KHDC1: variants seen among roughly 807,000 people sequenced by gnomAD.
KHDC1 encodes the protein KH domain containing 1.
Under a neutral mutation model 24.7 loss-of-function variants are expected in KHDC1, and 21 were observed. The observed-to-expected ratio is 0.85, with a 90% CI of 0.60 to 1.23. The LOEUF is 1.23. Ranked by LOEUF, KHDC1 falls within the 50% of genes most tolerant of loss-of-function variation. The pLI is 0.00. For synonymous variants in KHDC1, 98 were observed against 111.7 expected, an observed-to-expected ratio of 0.88 and a Z score of 0.77; for missense variants, 274 against 298.5, an observed-to-expected ratio of 0.92 and a Z score of 0.61.
intron 2 of KHDC1, 91 bp from the exon 1 acceptor site, chr6:73,263,287 G>A (rs985132699): frequency 1.0e-6 from 1 of 985,662 alleles, no homozygotes. Flanking sequence ...ACAGCCTGCG[G>A]AGCCCACTGC....
intron 2 of KHDC1, chr6:73,284,853 C>CT (rs1027123488): frequency 1.3e-4 from 19 of 150,932 alleles, no homozygotes; most frequent in South Asian, 4.2e-4. Flanking sequence ...TGTTACTTTG[C>CT]TTTTTTTTTA....
intron 2 of KHDC1, among the ~76,000 whole-genome samples, chr6:73,286,688 C>A (rs1767529365): frequency 6.6e-6 from 1 of 152,012 alleles, no homozygotes; most frequent in South Asian, 2.1e-4. Context: ...TTGAGACCAG[C>A]CTGACGAACA....
At chr6:73,269,715 G>T (rs1193054084) in intron 2 of KHDC1, 1 of 152,060 alleles carries the variant, frequency 6.6e-6, no homozygotes, top group Non-Finnish European at 1.5e-5. Flanking sequence ...TAGTTCAAAT[G>T]AATTTTTATT....
intron 1 of KHDC1, among the ~76,000 whole-genome samples, chr6:73,305,331 C>A (rs550732749): frequency 2.4e-5 from 2 of 83,776 alleles, no homozygotes; most frequent in East Asian, 7.9e-4. Flanking sequence ...AAACTGGTTT[C>A]AATGAAACTG....
At chr6:73,265,064 G>T (rs768813137) in intron 2 of KHDC1, among the ~76,000 whole-genome samples, 1 of 152,126 alleles carries the variant, frequency 6.6e-6, no homozygotes, top group African/African-American at 2.4e-5. Flanking sequence ...GCAGGGTGTA[G>T]TTTCAATAAA....
In KHDC1 at chr6:73,272,604, G is replaced by A. The variant is rs889996936; in HGVS notation, c.206+19394C>T. On this transcript the variant is annotated intron_variant, in intron 2 of 4. Transcript: ENST00000370384. ...AGCCTAGCCAACATGGTAAGACCCTGTCTCTACTAAAAATACAAAAAGTTA... is the reference window on the plus strand; with the variant it reads ...AGCCTAGCCAACATGGTAAGACCCTATCTCTACTAAAAATACAAAAAGTTA... Among the ~76,000 whole-genome samples, 10 of 151,656 alleles carry A rather than the reference G, an allele frequency of 6.6e-5. 1 individual carries two copies. The Middle Eastern group carries it at 0.017, about 258-fold the overall frequency.
chr6:73,293,329 T>C, intron 1 of KHDC1: 1 of 522,834 alleles, frequency 1.9e-6, no homozygotes. Context: ...GATGAAATAA[T>C]AAAACTATTA....
At chr6:73,261,911 C>CAA (rs1305177330) in intron 2 of KHDC1, among the ~76,000 whole-genome samples, 11 of 87,656 alleles carry the variant, frequency 1.3e-4, no homozygotes, top group Admixed American at 1.1e-3. Context: ...GACTCCATCT[C>CAA]AAAAAAAAAA....
chr6:73,250,503 A>ATG (rs1766759481), intron 2 of KHDC1, among the ~76,000 whole-genome samples: 3 of 152,256 alleles, frequency 2.0e-5, no homozygotes, highest in African/African-American at 4.8e-5. Flanking sequence ...AGCCAACACA[A>ATG]GGTGGAAAGG....
At chr6:73,268,933 G>C (rs1261331339) in intron 2 of KHDC1, 1 of 154,656 alleles carries the variant, frequency 6.5e-6, no homozygotes, top group African/African-American at 2.4e-5. Flanking sequence ...GGTGGTGCTC[G>C]TCGGGGAGCT....
intron 2 of KHDC1, 144 bp from the exon 1 acceptor site, chr6:73,263,340 G>A: frequency 1.1e-6 from 1 of 950,732 alleles, no homozygotes; most frequent in Non-Finnish European, 1.3e-6. Flanking sequence ...CAGGAAGCAA[G>A]GGTGGGAGGA....
intron 1 of KHDC1, among the ~76,000 whole-genome samples, chr6:73,293,898 C>T (rs1582585145): frequency 3.3e-5 from 5 of 150,904 alleles, no homozygotes. Flanking sequence ...CCCAGCTACT[C>T]AGGAGGCTGA....
At chr6:73,260,164 C>G (rs1436901046) in intron 2 of KHDC1, among the ~76,000 whole-genome samples, 1 of 152,062 alleles carries the variant, frequency 6.6e-6, no homozygotes, top group African/African-American at 2.4e-5. Context: ...TTGGGGTATA[C>G]CCATATATCC....
At chr6:73,307,482 A>G (rs1467348197) in intron 1 of KHDC1, among the ~76,000 whole-genome samples, 1 of 152,208 alleles carries the variant, frequency 6.6e-6, no homozygotes, top group Non-Finnish European at 1.5e-5. Context: ...ATTATTTAAA[A>G]GCTGGAGTTT....
intron 2 of KHDC1, among the ~76,000 whole-genome samples, chr6:73,285,492 C>T (rs2150696431): frequency 6.6e-6 from 1 of 152,118 alleles, no homozygotes; most frequent in Non-Finnish European, 1.5e-5. Context: ...CCACCATGCT[C>T]AGCTAATTTT....
chr6:73,260,729 A>G lies in KHDC1; in HGVS notation c.207-18199T>C, dbSNP rs144041292. On this transcript the variant is annotated intron_variant, in intron 2 of 4. Transcript: ENST00000370384. ...GAATATTCACTTTTCCACAAAATTG[A>G]TATTTTCAAATTTCAGTTTTAGCCA... is the stretch of plus-strand genomic sequence containing the variant. Among the ~76,000 whole-genome samples, 398 of 152,344 alleles carry G rather than the reference A, an allele frequency of 2.6e-3. 3 individuals carry two copies. Among genetic ancestry groups the G allele is most frequent in the African/African-American group, 8.7e-3 (361 of 41,578 alleles).
At chr6:73,253,917 G>A (rs12194882) in intron 2 of KHDC1, among the ~76,000 whole-genome samples, 18,808 of 150,646 alleles carry the variant, frequency 0.12, 1,463 homozygotes, top group African/African-American at 0.23. Flanking sequence ...AACAACAACA[G>A]CAACAACAAT....
chr6:73,281,617 CAAAAAAA>C (rs58163019), intron 2 of KHDC1, among the ~76,000 whole-genome samples: 2 of 93,714 alleles, frequency 2.1e-5, no homozygotes, highest in Admixed American at 2.4e-4. Flanking sequence ...AACTTCGTCT[CAAAAAAA>C]AAAAAAAAAA....
At chr6:73,298,954 G>C (rs748302548) in intron 1 of KHDC1, 1 of 152,214 alleles carries the variant, frequency 6.6e-6, no homozygotes, top group Admixed American at 6.6e-5. Context: ...AAGAGGAGGA[G>C]TGTGGGATGT....
Sources: allele counts gnomAD v4.1 joint callset (sites outside exome capture counted in the v4.1 genomes callset), GRCh38; gene constraint gnomAD v4.1.1; transcripts MANE v1.5; gene names NCBI Gene and HGNC (gene_info 2026-07-23, HGNC 2026-07-21).